IQCJ: variants seen among roughly 807,000 people sequenced by gnomAD.
The protein encoded by IQCJ is IQ domain-containing protein J.
In IQCJ, 9 loss-of-function variants were observed where a neutral mutation model predicts 11.0. That is an observed-to-expected ratio of 0.82 (90% CI 0.49 to 1.43). The LOEUF is 1.43. Ranked by LOEUF, IQCJ falls within the 40% of genes most tolerant of loss-of-function variation. The pLI is 0.00. For missense variants in IQCJ, 146 were observed against 133.2 expected (o/e 1.10, Z -0.47); for synonymous variants, 55 against 51.3 (o/e 1.07, Z -0.31).
intron 1 of IQCJ, among the ~76,000 whole-genome samples, chr3:159,079,371 A>G (rs1716157111): frequency 6.6e-6 from 1 of 152,120 alleles, no homozygotes; most frequent in South Asian, 2.1e-4. Context: ...TTTAAAAATC[A>G]GATTTTGGCT....
Position 159,112,041 on chromosome 3 carries a change from T to A in IQCJ, c.9+42600T>A, listed in dbSNP as rs1718665540. On this transcript the variant is annotated intron_variant, in intron 1 of 3. Coordinates refer to ENST00000397832, the MANE Select transcript of IQCJ (RefSeq NM_001042706.3). Reference sequence around the variant, plus strand: ...GGGTTCCATTTATGATGCTGACTTTTCTGGAAAAGTTTGTCCGTGACCAAA... The same window carrying A: ...GGGTTCCATTTATGATGCTGACTTTACTGGAAAAGTTTGTCCGTGACCAAA... Among the ~76,000 whole-genome samples, 3 of 152,304 alleles carry A rather than the reference T, an allele frequency of 2.0e-5. No homozygotes were observed. In the South Asian group the frequency reaches 6.2e-4, roughly 32 times the overall value.
intron 1 of IQCJ, 130 bp downstream of exon 1, chr3:159,069,571 G>A (rs1715399345): frequency 3.0e-6 from 4 of 1,337,078 alleles, no homozygotes; most frequent in East Asian, 2.4e-5. Context: ...ATAGAACAGT[G>A]TGGGCTTAAT....
At chr3:159,108,422 A>T (rs1236395212) in intron 1 of IQCJ, among the ~76,000 whole-genome samples, 1 of 152,230 alleles carries the variant, frequency 6.6e-6, no homozygotes, top group Non-Finnish European at 1.5e-5. Context: ...ATTCAAAAGT[A>T]AAGGCAGTGT....
intron 1 of IQCJ, among the ~76,000 whole-genome samples, chr3:159,235,074 T>C (rs1392710366): frequency 2.0e-5 from 3 of 152,210 alleles, no homozygotes; most frequent in Non-Finnish European, 4.4e-5. Context: ...TCTGTCTGCT[T>C]TCTGAGAGGT....
intron 1 of IQCJ, among the ~76,000 whole-genome samples, chr3:159,070,794 T>C (rs1715514749): frequency 6.6e-6 from 1 of 152,034 alleles, no homozygotes; most frequent in Non-Finnish European, 1.5e-5. Flanking sequence ...TAGTGATACT[T>C]GAAAATGGAA....
chr3:159,236,287 C>T lies in IQCJ; in HGVS notation c.10-9556C>T, dbSNP rs575900785. 2.2e-3 allele frequency among the ~76,000 whole-genome samples: 225 copies of T among 104,108 alleles called. 1 individual carries two copies. Among genetic ancestry groups the T allele is most frequent in the African/African-American group, 7.2e-3 (219 of 30,412 alleles). The allele number at this position is 104,108 out of a possible 152,430, so 68.3% of individuals were successfully genotyped here. A position where few individuals can be genotyped will look rare whatever the true frequency, so the allele number is the denominator to read the frequency against. ...CCTTTTGAAAAAAAAAAAAAAAAAACCAAGGAATTTAGTCCTTGCTTTCCA... is the reference window on the plus strand; with the variant it reads ...CCTTTTGAAAAAAAAAAAAAAAAAATCAAGGAATTTAGTCCTTGCTTTCCA... On this transcript the variant is annotated intron_variant, in intron 1 of 3. Coordinates refer to ENST00000397832, the MANE Select transcript of IQCJ (RefSeq NM_001042706.3).
At chr3:159,257,536 A>G (rs1727964742) in intron 3 of IQCJ, among the ~76,000 whole-genome samples, 1 of 152,122 alleles carries the variant, frequency 6.6e-6, no homozygotes, top group African/African-American at 2.4e-5. Context: ...GTGGCAGTGA[A>G]GTCGAGAGCT....
chr3:159,178,954 A>G (rs1002910393), intron 1 of IQCJ, among the ~76,000 whole-genome samples: 1 of 152,146 alleles, frequency 6.6e-6, no homozygotes, highest in Non-Finnish European at 1.5e-5. Context: ...GGGTGCTGAC[A>G]TATCTTTGTG....
At chr3:159,158,365 T>C (rs540026630) in intron 1 of IQCJ, among the ~76,000 whole-genome samples, 8 of 152,306 alleles carry the variant, frequency 5.3e-5, no homozygotes, top group African/African-American at 1.7e-4. Flanking sequence ...TGGAAAGTTC[T>C]TCTGATGAAG....
Position 159,109,547 on chromosome 3 carries a change from C to A in IQCJ, c.9+40106C>A, listed in dbSNP as rs866412348. On this transcript the variant is annotated intron_variant, in intron 1 of 3. Coordinates refer to ENST00000397832, the MANE Select transcript of IQCJ (RefSeq NM_001042706.3). ...TTAACTAAAAAAAAAAAAAAAAAAACCAGTTGTCATTTTGTTTTGCTTTGC... is the reference window on the plus strand; with the variant it reads ...TTAACTAAAAAAAAAAAAAAAAAAAACAGTTGTCATTTTGTTTTGCTTTGC... Among the ~76,000 whole-genome samples the A allele has an allele frequency of 7.2e-3, 562 of 78,326 alleles. 4 individuals carry two copies. Among genetic ancestry groups the A allele is most frequent in the African/African-American group, 0.021 (515 of 25,096 alleles). The allele number at this position is 78,326 out of a possible 152,430, so 51.4% of individuals were successfully genotyped here.
chr3:159,069,508 T>C, intron 1 of IQCJ, 67 bp downstream of exon 1: 1 of 1,556,204 alleles, frequency 6.4e-7, no homozygotes, highest in South Asian at 1.2e-5. Flanking sequence ...TATTATTTTT[T>C]AAAAATCTGT....
intron 1 of IQCJ, among the ~76,000 whole-genome samples, chr3:159,190,845 A>G (rs1254999145): frequency 3.3e-5 from 5 of 152,244 alleles, no homozygotes; most frequent in African/African-American, 1.2e-4. Flanking sequence ...ATTTAGGTTA[A>G]GTTCTTGGAA....
intron 1 of IQCJ, among the ~76,000 whole-genome samples, chr3:159,218,188 T>C (rs1725339593): frequency 6.6e-6 from 1 of 152,102 alleles, no homozygotes; most frequent in African/African-American, 2.4e-5. Context: ...ATGAAGTTTT[T>C]AAAAAGTTTA....
chr3:159,264,666 C>G (rs551862760), downstream of IQCJ, among the ~76,000 whole-genome samples: 2 of 152,232 alleles, frequency 1.3e-5, no homozygotes, highest in East Asian at 3.9e-4. Context: ...AATCCCAGCA[C>G]TTTGGGAGGC....
intron 1 of IQCJ, among the ~76,000 whole-genome samples, chr3:159,205,553 T>G (rs1306411668): frequency 1.3e-5 from 2 of 152,214 alleles, no homozygotes; most frequent in Non-Finnish European, 2.9e-5. Context: ...ACACTGAAGG[T>G]CTTCCTGGAG....
intron 1 of IQCJ, among the ~76,000 whole-genome samples, chr3:159,103,672 C>T (rs1184316728): frequency 6.6e-6 from 1 of 152,132 alleles, no homozygotes; most frequent in Non-Finnish European, 1.5e-5. Context: ...AGAAACTTTC[C>T]AGGAATCATT....
intron 1 of IQCJ, among the ~76,000 whole-genome samples, chr3:159,093,783 G>T (rs975601892): frequency 6.6e-6 from 1 of 151,888 alleles, no homozygotes; most frequent in Non-Finnish European, 1.5e-5. Flanking sequence ...ATGGCAGCAG[G>T]AGAGAGAAGT....
chr3:159,090,037 C>A (rs1174800026), intron 1 of IQCJ, among the ~76,000 whole-genome samples: 2 of 151,634 alleles, frequency 1.3e-5, no homozygotes, highest in Admixed American at 1.3e-4. Context: ...GGTTTTTTCC[C>A]CATCTTTGTG....
chr3:159,185,789 T>C (rs1487156908), intron 1 of IQCJ, among the ~76,000 whole-genome samples: 5 of 152,164 alleles, frequency 3.3e-5, no homozygotes. Context: ...AGCTGCTTGA[T>C]TGTCCTCAAA....
Sources: allele counts gnomAD v4.1 joint callset (sites outside exome capture counted in the v4.1 genomes callset), GRCh38; gene constraint gnomAD v4.1.1; transcripts MANE v1.5; gene names NCBI Gene and HGNC (gene_info 2026-07-23, HGNC 2026-07-21).